QTGAL: variants seen among roughly 807,000 people sequenced by gnomAD.
QTGAL encodes the protein BGnT-like protein 1.
the QTGAL span, among the ~76,000 whole-genome samples, chr17:83,035,700 C>A: frequency 6.6e-6 from 1 of 152,130 alleles, no homozygotes; most frequent in African/African-American, 2.4e-5. Flanking sequence ...CAGCACTAAG[C>A]TAAGTCCTGG....
chr17:82,991,603 T>C, the QTGAL span, among the ~76,000 whole-genome samples: 1,849 of 152,204 alleles, frequency 0.012, 43 homozygotes, highest in African/African-American at 0.042. Flanking sequence ...CGAACAAACA[T>C]AGACTGCAAA....
chr17:83,023,220 CCCGGCCCACCTGCACCAGCGTG>C, the QTGAL span, among the ~76,000 whole-genome samples: 2 of 89,362 alleles, frequency 2.2e-5, no homozygotes, highest in African/African-American at 9.1e-5. Flanking sequence ...TAGCACTGTC[CCCGGCCCACCTGCACCAGCGTG>C]AACTCACGTT....
chr17:82,970,754 C>T, the QTGAL span, among the ~76,000 whole-genome samples: 312 of 151,552 alleles, frequency 2.1e-3, no homozygotes, highest in African/African-American at 7.0e-3. Context: ...GCAGGTCCTC[C>T]GTGGGCTGTG....
the QTGAL span, among the ~76,000 whole-genome samples, chr17:83,051,220 G>A: frequency 6.8e-6 from 1 of 148,096 alleles, no homozygotes; most frequent in Non-Finnish European, 1.5e-5. Context: ...GTAAGAGCGA[G>A]GCAGATGCGC....
At chr17:83,048,359 A>T in the QTGAL span, 4 of 977,360 alleles carry the variant, frequency 4.1e-6, no homozygotes, top group Non-Finnish European at 6.3e-6. Context: ...GGTATATCCA[A>T]TTACCACCAG....
chr17:83,026,011 G>C, the QTGAL span, among the ~76,000 whole-genome samples: 1 of 152,212 alleles, frequency 6.6e-6, no homozygotes, highest in East Asian at 1.9e-4. Context: ...TGTGAGTTCT[G>C]ATGGTTTCAA....
the QTGAL span, among the ~76,000 whole-genome samples, chr17:83,034,016 C>T: frequency 6.6e-6 from 1 of 152,238 alleles, no homozygotes; most frequent in African/African-American, 2.4e-5. Context: ...TCTTGGCTCA[C>T]TGCAACCTCC....
the QTGAL span, among the ~76,000 whole-genome samples, chr17:82,961,883 C>T: frequency 8.5e-5 from 13 of 152,362 alleles, no homozygotes; most frequent in East Asian, 2.5e-3. Context: ...CCCCTGCCCT[C>T]TGCTTGCTCC....
the QTGAL span, among the ~76,000 whole-genome samples, chr17:83,036,035 A>G: frequency 6.6e-6 from 1 of 151,236 alleles, no homozygotes; most frequent in Non-Finnish European, 1.5e-5. Flanking sequence ...CTACAACACC[A>G]GAGTGGGTGC....
At chr17:83,013,436 C>G in the QTGAL span, among the ~76,000 whole-genome samples, 1 of 125,826 alleles carries the variant, frequency 7.9e-6, no homozygotes, top group Admixed American at 7.8e-5. Context: ...CACCCTTTCC[C>G]CCCTCCCAAC....
At chr17:82,943,970 T>C in the QTGAL span, 2 of 152,212 alleles carry the variant, frequency 1.3e-5, no homozygotes, top group Non-Finnish European at 2.9e-5. Context: ...CACGAGACTC[T>C]GGTTGCGCCT....
the QTGAL span, among the ~76,000 whole-genome samples, chr17:83,009,863 C>T: frequency 4.6e-5 from 7 of 151,762 alleles, no homozygotes; most frequent in Non-Finnish European, 8.8e-5. Flanking sequence ...GAAAAGAAAC[C>T]AGTTGCATTT....
the QTGAL span, among the ~76,000 whole-genome samples, chr17:83,008,780 G>A: frequency 7.2e-5 from 11 of 152,148 alleles, no homozygotes; most frequent in East Asian, 9.7e-4. Flanking sequence ...GAGCGAGTGC[G>A]CGGGCTCCAG....
chr17:83,033,254 C>G, the QTGAL span, among the ~76,000 whole-genome samples: 1 of 152,132 alleles, frequency 6.6e-6, no homozygotes, highest in East Asian at 1.9e-4. Context: ...CCATGGAGAC[C>G]TGCCGGAAAC....
the QTGAL span, chr17:82,946,844 A>G: frequency 1.4e-6 from 2 of 1,478,054 alleles, no homozygotes; most frequent in Non-Finnish European, 9.2e-7. Flanking sequence ...TAATAAAGAA[A>G]CAAACCCAGA....
At chr17:82,967,316 T>A in the QTGAL span, among the ~76,000 whole-genome samples, 4 of 152,178 alleles carry the variant, frequency 2.6e-5, no homozygotes, top group African/African-American at 9.7e-5. Flanking sequence ...CTGGAGGTGC[T>A]GTGTGTGTGA....
the QTGAL span, among the ~76,000 whole-genome samples, chr17:83,030,442 C>T: frequency 6.6e-6 from 1 of 152,340 alleles, no homozygotes; most frequent in East Asian, 1.9e-4. Flanking sequence ...GGAGAACAGC[C>T]TCTGACACGG....
chr17:82,959,762 G>A, the QTGAL span, among the ~76,000 whole-genome samples: 11 of 152,034 alleles, frequency 7.2e-5, no homozygotes, highest in South Asian at 4.1e-4. Flanking sequence ...CGGCCTCCTC[G>A]ACGGCCCCTT....
chr17:82,959,420 C>T, the QTGAL span, among the ~76,000 whole-genome samples: 8 of 151,190 alleles, frequency 5.3e-5, no homozygotes, highest in African/African-American at 2.0e-4. Flanking sequence ...CTTTCGTGCA[C>T]GTATGTGTGT....
Sources: allele counts gnomAD v4.1 joint callset (sites outside exome capture counted in the v4.1 genomes callset), GRCh38; gene constraint gnomAD v4.1.1; transcripts MANE v1.5; gene names NCBI Gene and HGNC (gene_info 2026-07-23, HGNC 2026-07-21).